DNAH12: variants seen among roughly 807,000 people sequenced by gnomAD.
DNAH12 encodes the protein axonemal beta dynein heavy chain 12.
A neutral mutation model predicts 371.5 loss-of-function variants in DNAH12; 285 were observed. The ratio of observed to expected loss-of-function variants is 0.77; its 90% confidence interval spans 0.70 to 0.85. DNAH12 has a LOEUF of 0.85. Ranked by LOEUF, DNAH12 falls within the 40% of genes least tolerant of loss-of-function variation. The pLI is 0.00. For synonymous variants in DNAH12, 1,200 were observed against 1,213.0 expected (o/e 0.99, Z 0.22); for missense variants, 3,611 against 3,689.4 (o/e 0.98, Z 0.55).
chr3:57,381,433 T>C (rs1171631144), intron 50 of DNAH12, among the ~76,000 whole-genome samples: 4 of 152,332 alleles, frequency 2.6e-5, no homozygotes, highest in African/African-American at 9.6e-5. Flanking sequence ...GAATGGATAC[T>C]ATGCCTTCCT....
At chr3:57,494,291 G>A (rs1184048651) in intron 11 of DNAH12, among the ~76,000 whole-genome samples, 1 of 151,654 alleles carries the variant, frequency 6.6e-6, no homozygotes, top group Non-Finnish European at 1.5e-5. Flanking sequence ...AGTGTCTCAT[G>A]CCTGTAATCC....
intron 29 of DNAH12, among the ~76,000 whole-genome samples, chr3:57,442,084 T>A (rs891261911): frequency 6.6e-6 from 1 of 152,142 alleles, no homozygotes; most frequent in African/African-American, 2.4e-5. Context: ...GAATTCTGTA[T>A]CTGTGAAAAT....
In DNAH12 at chr3:57,310,962, G is replaced by T. The variant is rs1277117118; in HGVS notation, c.10663-12C>A. 7 of 1,518,432 alleles carry T rather than the reference G, an allele frequency of 4.6e-6. No individual in the cohort carries two copies. In the Admixed American group the frequency reaches 8.0e-5, roughly 17 times the overall value. The allele number at this position is 1,518,432 out of a possible 1,614,324, so 94.1% of individuals were successfully genotyped here. A position where few individuals can be genotyped will look rare whatever the true frequency, so the allele number is the denominator to read the frequency against. ...TCATTGATAAATAACTGAAGCAAAG[G>T]AAAAATGAAACAAGAAAAACCTTAA... On this transcript the variant is annotated splice_polypyrimidine_tract_variant and intron_variant, in intron 66 of 73. Transcript: ENST00000495027.
At chr3:57,302,051 A>C (rs2061358848) in intron 69 of DNAH12, 112 bp from the exon 70 acceptor site, 1 of 1,116,664 alleles carries the variant, frequency 9.0e-7, no homozygotes, top group Admixed American at 2.3e-5. Context: ...TGCTTCCCAA[A>C]ATGTGTCACC....
chr3:57,293,934 G>A lies in DNAH12; in HGVS notation c.11730C>T (p.Val3910=). The A allele has an allele frequency of 1.4e-6, 2 of 1,460,682 alleles. No individual in the cohort carries two copies. The highest frequency in any genetic ancestry group is 2.7e-5 in the Admixed American group (1 of 37,636). The allele number at this position is 1,460,682 out of a possible 1,614,324, so 90.5% of individuals were successfully genotyped here. A position where few individuals can be genotyped will look rare whatever the true frequency, so the allele number is the denominator to read the frequency against. The change falls in exon 74 of 74, where the codon GTC becomes GTT. Residue 3910 remains valine (V), a synonymous_variant. Transcript: ENST00000495027. ...GTTCACTTGTCTTGTAGAGGGGACA[G>A]ACATAGGCATCCGACTTTATAATCC... The part of the protein sequence containing the change: ...KSRIIKSDAY[V]CPLYKTSERK...
Position 57,465,367 on chromosome 3 carries a change from A to T in DNAH12, c.2350-2492T>A, listed in dbSNP as rs2066170311. Among the ~76,000 whole-genome samples, 8 of 152,282 alleles carry T rather than the reference A, an allele frequency of 5.3e-5. No homozygotes were observed. In the South Asian group the frequency reaches 1.7e-3, roughly 32 times the overall value. The stretch of plus-strand genomic sequence containing the variant: ...TAAGAAAGAAATAATATCAATTTAT[A>T]AAAAAACTCTTTCAGAAATAGAGAA... On this transcript the variant is annotated intron_variant, in intron 17 of 73. Coordinates refer to ENST00000495027, the MANE Select transcript of DNAH12 (RefSeq NM_001366028.2).
At chr3:57,427,457 T>G (rs1363045201) in intron 34 of DNAH12, among the ~76,000 whole-genome samples, 12 of 151,352 alleles carry the variant, frequency 7.9e-5, no homozygotes, top group Admixed American at 7.9e-4. Context: ...GAGGCCAAGG[T>G]GGGTGGATCA....
intron 44 of DNAH12, 131 bp from the exon 45 acceptor site, chr3:57,392,197 A>G (rs2153347403): frequency 6.6e-6 from 1 of 152,350 alleles, no homozygotes; most frequent in Non-Finnish European, 1.5e-5. Flanking sequence ...GTTTTATATC[A>G]ATAGAATGGC....
chr3:57,380,750 C>T (rs2063373369), intron 50 of DNAH12, among the ~76,000 whole-genome samples: 1 of 152,320 alleles, frequency 6.6e-6, no homozygotes, highest in South Asian at 2.1e-4. Flanking sequence ...CAGGCGTGAG[C>T]CACCATGCCC....
rs1175203015 is a variant in DNAH12, at chr3:57,542,931, T to C, written c.-33-28A>G. On this transcript the variant is annotated intron_variant, in intron 1 of 73. Coordinates refer to ENST00000495027, the MANE Select transcript of DNAH12 (RefSeq NM_001366028.2). The stretch of plus-strand genomic sequence containing the variant: ...GAGGAGAAAAAGTCCATAAAGCCAT[T>C]ATTATGTCAGCAAGCCTCGACACAT... The C allele has an allele frequency of 1.4e-5, 21 of 1,456,598 alleles. No individual in the cohort carries two copies. In the East Asian group the frequency reaches 4.9e-4, roughly 34 times the overall value. 90.2% of individuals were successfully genotyped at this position (1,456,598 alleles called of 1,614,324 possible). A position where few individuals can be genotyped will look rare whatever the true frequency, so the allele number is the denominator to read the frequency against.
intron 37 of DNAH12, among the ~76,000 whole-genome samples, chr3:57,417,026 G>A (rs1002398540): frequency 6.6e-6 from 1 of 152,088 alleles, no homozygotes; most frequent in African/African-American, 2.4e-5. Context: ...CGAGGCAGGT[G>A]GATTACCTGA....
chr3:57,459,335 T>C (rs1204762941), intron 20 of DNAH12, among the ~76,000 whole-genome samples: 1 of 152,222 alleles, frequency 6.6e-6, no homozygotes, highest in East Asian at 1.9e-4. Flanking sequence ...TGAGTGTTTA[T>C]AGTAGAAGGC....
At chr3:57,531,486 G>A (rs575900340) in intron 2 of DNAH12, among the ~76,000 whole-genome samples, 1 of 152,192 alleles carries the variant, frequency 6.6e-6, no homozygotes, top group South Asian at 2.1e-4. Flanking sequence ...GAGGGGCCAG[G>A]CGTGGTGGCT....
At chr3:57,329,025 A>G (rs1446417849) in intron 62 of DNAH12, among the ~76,000 whole-genome samples, 3 of 147,672 alleles carry the variant, frequency 2.0e-5, no homozygotes, top group Non-Finnish European at 4.4e-5. Context: ...GACCTCTTCA[A>G]GGAGAACTAC....
At chr3:57,478,015 G>T (rs764327791) in intron 13 of DNAH12, among the ~76,000 whole-genome samples, 1 of 152,114 alleles carries the variant, frequency 6.6e-6, no homozygotes, top group Non-Finnish European at 1.5e-5. Flanking sequence ...AAATCAGAGC[G>T]CCTCTCCTTC....
chr3:57,471,475 T>C lies in DNAH12; in HGVS notation c.1908A>G (p.Gln636=), dbSNP rs2153380615. Residue 636 remains glutamine, a synonymous_variant, in exon 15 of 74, where the codon CAA becomes CAG. Transcript: ENST00000495027. ...TTGTCTCATATATTTATCAGACCTG[T>C]TGCATGCGCTCCAGCTCTGCAAATT... The part of the protein sequence containing the change: ...FTEFAELERM[Q]QYVTDVRQLQ... The C allele has an allele frequency of 1.3e-6, 2 of 1,544,564 alleles. No homozygotes were observed. The highest frequency in any genetic ancestry group is 1.7e-6 in the Non-Finnish European group (2 of 1,145,728).
chr3:57,323,005 AC>A lies in DNAH12; in HGVS notation c.10383+1del. On this transcript the variant is annotated splice_donor_variant, in intron 64 of 73. Transcript: ENST00000495027. LOFTEE classifies it high-confidence loss of function. ...CTTAACTCTATAAGGAAATAAACATACTTTTGAAGATGGATAGCTTGTCAGC... is the reference window on the plus strand; with the variant it reads ...CTTAACTCTATAAGGAAATAAACATATTTTGAAGATGGATAGCTTGTCAGC... 1 of 1,551,626 alleles carries A rather than the reference AC, an allele frequency of 6.4e-7. No individual in the cohort carries two copies. The highest frequency in any genetic ancestry group is 8.7e-7 in the Non-Finnish European group (1 of 1,146,944).
intron 16 of DNAH12, among the ~76,000 whole-genome samples, 193 bp from the exon 17 acceptor site, chr3:57,469,172 T>C (rs1427206134): frequency 1.3e-5 from 2 of 152,202 alleles, no homozygotes; most frequent in Non-Finnish European, 2.9e-5. Flanking sequence ...TTGACTATGC[T>C]GCATGTGCTA....
intron 60 of DNAH12, among the ~76,000 whole-genome samples, chr3:57,344,682 G>C (rs572976026): frequency 1.5e-4 from 23 of 152,222 alleles, no homozygotes; most frequent in African/African-American, 5.5e-4. Context: ...AGTGAAATAC[G>C]CCAGGAACAC....
Sources: allele counts gnomAD v4.1 joint callset (sites outside exome capture counted in the v4.1 genomes callset), GRCh38; gene constraint gnomAD v4.1.1; transcripts MANE v1.5; gene names NCBI Gene and HGNC (gene_info 2026-07-23, HGNC 2026-07-21).